Variants in ATIC observed in about 807,000 individuals in gnomAD.
ATIC encodes the protein 5-aminoimidazole-4-carboxamide ribonucleotide formyltransferase/IMP cyclohydrolase, also known as bifunctional purine biosynthesis protein ATIC.
Under a neutral mutation model 72.5 loss-of-function variants are expected in ATIC, and 64 were observed. That is an observed-to-expected ratio of 0.88 (90% confidence interval 0.72 to 1.09). The LOEUF is 1.09. Among genes scored for constraint, ATIC ranks in the 50% least tolerant of loss-of-function variants. The pLI, the probability that ATIC is intolerant of heterozygous loss-of-function variation, is 0.00. For synonymous variants in ATIC, 281 were observed against 267.1 expected (o/e 1.05, Z -0.51); for missense variants, 787 against 732.4 (o/e 1.07, Z -0.86).
intron 7 of ATIC, among the ~76,000 whole-genome samples, chr2:215,331,388 T>TTC (rs1437367072): frequency 6.7e-6 from 1 of 150,238 alleles, no homozygotes; most frequent in East Asian, 1.9e-4. Context: ...TGGGTTTTTT[T>TTC]TTTTTTTTTT....
At chr2:215,365,804 TTA>T in the ATIC span, 50 of 279,614 alleles carry the variant, frequency 1.8e-4, no homozygotes, top group African/African-American at 3.9e-4. Context: ...TATTTACTTT[TTA>T]TTTTTTTTTT....
the ATIC span, chr2:215,364,759 A>C: frequency 1.4e-6 from 1 of 720,056 alleles, no homozygotes. Context: ...GCCAACAGGA[A>C]ATGTGGTATT....
chr2:215,322,095 G>T (rs186621779), intron 4 of ATIC, among the ~76,000 whole-genome samples: 1 of 147,390 alleles, frequency 6.8e-6, no homozygotes, highest in South Asian at 2.1e-4. Context: ...TAGAGATAGG[G>T]TTTCACTATG....
intron 12 of ATIC, among the ~76,000 whole-genome samples, chr2:215,340,568 A>G (rs1341510683): frequency 5.3e-5 from 8 of 152,046 alleles, no homozygotes; most frequent in Non-Finnish European, 1.0e-4. Context: ...GGATGGTGTT[A>G]TTTTTCTCTC....
downstream of ATIC, among the ~76,000 whole-genome samples, chr2:215,350,255 G>T (rs113783284): frequency 0.034 from 5,104 of 152,188 alleles, 283 homozygotes; most frequent in African/African-American, 0.12. Context: ...TCCTGCCTCA[G>T]TCTCCTGAGT....
At chr2:215,332,645 A>G (rs925781777) in intron 8 of ATIC, 138 bp downstream of exon 8, 13 of 1,104,494 alleles carry the variant, frequency 1.2e-5, no homozygotes, top group East Asian at 5.2e-5. Flanking sequence ...AACAGTATCA[A>G]TGTAATAATA....
chr2:215,361,912 C>T, the ATIC span: 20 of 1,600,224 alleles, frequency 1.2e-5, no homozygotes, highest in African/African-American at 2.4e-4. Context: ...AGAAAGATAC[C>T]TGTAGAAAGA....
chr2:215,345,944 A>AT (rs34900850), intron 13 of ATIC, among the ~76,000 whole-genome samples: 19 of 152,306 alleles, frequency 1.2e-4, no homozygotes, highest in South Asian at 1.2e-3. Flanking sequence ...ACACCTGTGC[A>AT]TTTAAGTCCT....
At chr2:215,368,044 G>T in the ATIC span, 1 of 1,613,318 alleles carries the variant, frequency 6.2e-7, no homozygotes, top group Non-Finnish European at 8.5e-7. Context: ...AGAAAAGGAA[G>T]AAAAAGCAAA....
At chr2:215,365,605 G>A in the ATIC span, 3 of 1,614,022 alleles carry the variant, frequency 1.9e-6, no homozygotes, top group Non-Finnish European at 2.5e-6. Context: ...CAATCTTGTA[G>A]TTCACACCAT....
the ATIC span, chr2:215,365,522 T>C: frequency 1.9e-6 from 3 of 1,614,104 alleles, no homozygotes; most frequent in Non-Finnish European, 1.7e-6. Context: ...ACACTTGAAT[T>C]CTCCTTTTCC....
intron 11 of ATIC, 133 bp downstream of exon 11, chr2:215,336,257 A>G (rs1417529602): frequency 8.3e-6 from 6 of 722,126 alleles, no homozygotes; most frequent in Middle Eastern, 2.5e-4. Flanking sequence ...CCAATCCTGC[A>G]TTTAAAAAAA....
At chr2:215,327,664 G>T (rs955119489) in intron 7 of ATIC, among the ~76,000 whole-genome samples, 6 of 152,104 alleles carry the variant, frequency 3.9e-5, no homozygotes, top group Admixed American at 1.3e-4. Flanking sequence ...AGGCATGGAG[G>T]CCTTGGAATC....
rs2052917957 is a variant in ATIC at position 215,333,446 on chromosome 2, C to T, written c.911C>T (p.Ala304Val). Residue 304 changes from alanine to valine, a missense_variant, in exon 9 of 16, where the codon GCA (alanine) becomes GTA (valine). Ala to Val is a moderately conservative substitution (Grantham distance 64). Transcript: ENST00000236959. ...CTCACACCCATCTCAGCGGCATATG[C>T]AAGAGCAAGAGGTCAGACTCATAGG... Reference protein sequence around the residue: ...KTLTPISAAYARARGADRMSS... With the variant: ...KTLTPISAAYVRARGADRMSS... 8 of 1,613,540 alleles carry T rather than the reference C, an allele frequency of 5.0e-6. No homozygotes were observed. Among genetic ancestry groups the T allele is most frequent in the African/African-American group, 1.3e-5 (1 of 74,932 alleles).
At chr2:215,325,145 T>C in intron 4 of ATIC, 96 bp from the exon 5 acceptor site, 1 of 878,220 alleles carries the variant, frequency 1.1e-6, no homozygotes. Context: ...ATGGCTTTTG[T>C]TTACGTTAAT....
intron 12 of ATIC, among the ~76,000 whole-genome samples, chr2:215,343,337 GT>G (rs547019619): frequency 2.3e-3 from 345 of 152,002 alleles, no homozygotes; most frequent in African/African-American, 7.8e-3. Context: ...TTGTTACTGA[GT>G]TTTTTTGTTT....
intron 5 of ATIC, 32 bp from the exon 6 acceptor site, chr2:215,325,955 A>G: frequency 1.2e-6 from 2 of 1,613,032 alleles, no homozygotes; most frequent in South Asian, 1.1e-5. Context: ...ATAGGGACAT[A>G]CAAAAATCAA....
At chr2:215,314,274 A>G (rs574784345) in intron 2 of ATIC, among the ~76,000 whole-genome samples, 5 of 152,346 alleles carry the variant, frequency 3.3e-5, no homozygotes, top group Admixed American at 3.3e-4. Context: ...ACTGAATGAA[A>G]TGTAAACAAC....
the ATIC span, among the ~76,000 whole-genome samples, chr2:215,357,757 T>G: frequency 8.5e-3 from 1,291 of 152,318 alleles, 21 homozygotes; most frequent in African/African-American, 0.03. Flanking sequence ...CTTCCTTAGT[T>G]TCTGCAAGGT....
Sources: gnomAD v4.1 joint callset for allele counts (sites outside exome capture counted in the v4.1 genomes callset) on GRCh38, gnomAD v4.1.1 for gene constraint, MANE v1.5 for transcripts, NCBI Gene and HGNC (gene_info 2026-07-23, HGNC 2026-07-21) for gene names.